The following STOX2 variants were observed in gnomAD, a reference collection of about 807,000 sequenced individuals.
The protein encoded by STOX2 is storkhead box 2.
Under a neutral mutation model 60.9 loss-of-function variants are expected in STOX2, and 28 were observed. The ratio of observed to expected loss-of-function variants is 0.46; its 90% CI spans 0.34 to 0.63. The LOEUF (loss-of-function observed/expected upper bound fraction) is 0.63. Ranked by LOEUF, STOX2 falls within the 30% of genes least tolerant of loss-of-function variation. The pLI, the probability that STOX2 is intolerant of heterozygous loss-of-function variation, is 0.01. For synonymous variants in STOX2, 472 were observed against 463.9 expected (o/e 1.02, Z -0.22); for missense variants, 1,024 against 1,187.7 (o/e 0.86, Z 2.03).
At chr4:183,894,926 A>G (rs1341445960) in intron 1 of STOX2, among the ~76,000 whole-genome samples, 2 of 152,230 alleles carry the variant, frequency 1.3e-5, no homozygotes, top group Non-Finnish European at 2.9e-5. Flanking sequence ...GTGTATATTC[A>G]TAAAAACTAA....
chr4:183,956,041 A>G (rs1158550645), intron 1 of STOX2, among the ~76,000 whole-genome samples: 1 of 152,192 alleles, frequency 6.6e-6, no homozygotes, highest in East Asian at 1.9e-4. Context: ...GGTATCCCTA[A>G]GTTAACAACC....
intron 1 of STOX2, among the ~76,000 whole-genome samples, chr4:183,842,963 G>C (rs762369841): frequency 6.6e-6 from 1 of 151,872 alleles, no homozygotes; most frequent in African/African-American, 2.4e-5. Context: ...GCCTAGCCAA[G>C]ATGGCGAAAC....
chr4:183,863,566 A>ATTAC (rs10658634), intron 1 of STOX2, among the ~76,000 whole-genome samples: 84,083 of 151,538 alleles, frequency 0.55, 23,426 homozygotes, highest in African/African-American at 0.59. Flanking sequence ...ACGAATGTTA[A>ATTAC]TTTGCCCTTT....
At position 184,009,158 on chromosome 4, in the gene STOX2, G is replaced by A; in HGVS notation, c.320G>A (p.Gly107Asp). 1.2e-6 allele frequency: 1 copy of A among 833,372 alleles called. No homozygotes were observed. Among genetic ancestry groups the A allele is most frequent in the South Asian group, 2.2e-5 (1 of 44,954 alleles). 51.6% of individuals were successfully genotyped at this position (833,372 alleles called of 1,614,324 possible). A position where few individuals can be genotyped will look rare whatever the true frequency, so the allele number is the denominator to read the frequency against. ...LMEHLTTCFPGVPTPSQEILR... is the reference protein window; with the variant it reads ...LMEHLTTCFPDVPTPSQEILR... ...GTGGTTTTTTTTTTTTTTTTTTCAGGTGTTCCAACGCCAAGCCAAGAAATT... is the reference window on the plus strand; with the variant it reads ...GTGGTTTTTTTTTTTTTTTTTTCAGATGTTCCAACGCCAAGCCAAGAAATT... Residue 107 changes from glycine to aspartate, a missense_variant and splice_region_variant, in exon 3 of 4, where the codon GGT becomes GAT. Coordinates refer to ENST00000308497, the MANE Select transcript of STOX2 (RefSeq NM_020225.3). The surrounding 1 kb of genome is among the most constrained non-coding windows in gnomAD (Gnocchi z 4.0).
chr4:184,007,225 T>C (rs1459766720), intron 2 of STOX2, among the ~76,000 whole-genome samples: 1 of 152,090 alleles, frequency 6.6e-6, no homozygotes, highest in East Asian at 1.9e-4. Flanking sequence ...CTTCTGAAGA[T>C]GGTAACACAA....
In STOX2 at chr4:183,930,068, T is replaced by G. The variant is rs1742374006; in HGVS notation, c.166+23112T>G. 2.6e-5 allele frequency among the ~76,000 whole-genome samples: 4 copies of G among 152,200 alleles called. No homozygotes were observed. The South Asian group carries it at 8.3e-4, about 32-fold the overall frequency. On this transcript the variant is annotated intron_variant, in intron 1 of 3. Coordinates refer to ENST00000308497, the MANE Select transcript of STOX2 (RefSeq NM_020225.3). ...TTAGTAGAGATGGAGTTTCACCGTA[T>G]TAGCCAGGATGGGTCTCGATCTCCT... is the stretch of plus-strand genomic sequence containing the variant.
At chr4:183,891,264 T>C (rs1741201038) in intron 1 of STOX2, among the ~76,000 whole-genome samples, 1 of 149,918 alleles carries the variant, frequency 6.7e-6, no homozygotes, top group Admixed American at 6.7e-5. Flanking sequence ...ATAAAGAAAC[T>C]GGTGTGTGTG....
chr4:183,992,982 A>G (rs577002641), intron 1 of STOX2, among the ~76,000 whole-genome samples: 1 of 152,308 alleles, frequency 6.6e-6, no homozygotes, highest in South Asian at 2.1e-4. Context: ...CTCATATTCC[A>G]TCCTACCTTT....
chr4:183,970,179 T>TGGGG (rs1246316917), intron 1 of STOX2, among the ~76,000 whole-genome samples: 22 of 139,532 alleles, frequency 1.6e-4, no homozygotes, highest in African/African-American at 5.4e-4. Flanking sequence ...TGTGTGTGTG[T>TGGGG]GTGGGGTTCC....
At chr4:183,975,772 A>C (rs766264862) in intron 1 of STOX2, among the ~76,000 whole-genome samples, 1 of 152,238 alleles carries the variant, frequency 6.6e-6, no homozygotes, top group Admixed American at 6.5e-5. Context: ...ATTCTGTAAG[A>C]TCTTTTTCAA....
rs531194750 is a variant in STOX2, at chr4:183,857,245, T to G, written c.364+59190T>G. ...ACTGGTTATCCCACAGGACTGGTCA[T>G]CTCGCAGGACTGGTTATCCTGCAGG... is the stretch of plus-strand genomic sequence containing the variant. On this transcript the variant is annotated intron_variant, in intron 1 of 2. Coordinates refer to the STOX2 transcript ENST00000513034. Among the ~76,000 whole-genome samples the G allele has an allele frequency of 2.0e-5, 3 of 149,642 alleles. No individual in the cohort carries two copies. In the South Asian group the frequency reaches 6.3e-4, roughly 32 times the overall value.
chr4:183,949,507 G>A (rs1367197677), intron 1 of STOX2, among the ~76,000 whole-genome samples: 9 of 152,058 alleles, frequency 5.9e-5, no homozygotes, highest in Non-Finnish European at 1.3e-4. Context: ...AGACCAGCCT[G>A]GCCAACATGA....
chr4:183,851,074 G>C (rs1419483113), intron 1 of STOX2, among the ~76,000 whole-genome samples: 9 of 127,450 alleles, frequency 7.1e-5, no homozygotes, highest in Admixed American at 2.4e-4. Flanking sequence ...ATGAGGGAAA[G>C]GATGAGAGAA....
chr4:184,023,292 A>G lies in STOX2; in HGVS notation c.*6008A>G, dbSNP rs1163537018. 1 of 152,222 alleles carries G rather than the reference A, an allele frequency of 6.6e-6. No homozygotes were observed. The highest frequency in any genetic ancestry group is 1.5e-5 in the Non-Finnish European group (1 of 68,028). The allele number at this position is 152,222 out of a possible 1,614,324, so 9.4% of individuals were successfully genotyped here. ...TTCCCTAATGTTACTGATTTATAACAGCACATTTGTAACATGGTTTTTATC... is the reference window on the plus strand; with the variant it reads ...TTCCCTAATGTTACTGATTTATAACGGCACATTTGTAACATGGTTTTTATC... On this transcript the variant is annotated 3_prime_UTR_variant, in exon 4 of 4. Coordinates refer to ENST00000308497, the MANE Select transcript of STOX2 (RefSeq NM_020225.3).
intron 1 of STOX2, among the ~76,000 whole-genome samples, chr4:183,805,526 G>C (rs1738869694): frequency 6.6e-6 from 1 of 152,192 alleles, no homozygotes; most frequent in Non-Finnish European, 1.5e-5. Context: ...AATCACAGTA[G>C]GCCAAGCATG....
At position 183,905,575 on chromosome 4, in the gene STOX2, A is replaced by C. The variant is rs1030749987; in HGVS notation, c.-1216A>C. On this transcript the variant is annotated 5_prime_UTR_variant, in exon 1 of 4. Coordinates refer to ENST00000308497, the MANE Select transcript of STOX2 (RefSeq NM_020225.3). ...GCGCACCGCAGATCTCCCCGTTCCC[A>C]CGAAGGCTGGCTCGCTGTCTCTCTC... 1.3e-5 allele frequency: 2 copies of C among 152,148 alleles called. No homozygotes were observed. Among genetic ancestry groups the C allele is most frequent in the African/African-American group, 4.8e-5 (2 of 41,426 alleles). The allele number at this position is 152,148 out of a possible 1,614,324, so 9.4% of individuals were successfully genotyped here.
At chr4:183,874,983 ATATATAT>A (rs1560857901) in intron 1 of STOX2, among the ~76,000 whole-genome samples, 1,469 of 103,884 alleles carry the variant, frequency 0.014, 22 homozygotes, top group African/African-American at 0.02. Context: ...ATATATATAT[ATATATAT>A]ATAAAACTTA....
rs1734589834 is a variant in STOX2 at position 184,021,456 on chromosome 4, AG to A, written c.*4173del. ...TGTCCATTTTCATTAAAAAAAAAAA[AG>A]TTCAGGGTGTTTGGAATTTTACATC... On this transcript the variant is annotated 3_prime_UTR_variant, in exon 4 of 4. Coordinates refer to ENST00000308497, the MANE Select transcript of STOX2 (RefSeq NM_020225.3). 6.6e-6 allele frequency: 1 copy of A among 151,096 alleles called. No homozygotes were observed. The highest frequency in any genetic ancestry group is 2.4e-5 in the African/African-American group (1 of 41,084). 9.4% of individuals were successfully genotyped at this position (151,096 alleles called of 1,614,324 possible).
chr4:183,967,512 G>C (rs1393423940), intron 1 of STOX2, among the ~76,000 whole-genome samples: 1 of 152,118 alleles, frequency 6.6e-6, no homozygotes, highest in African/African-American at 2.4e-5. Flanking sequence ...CTTTAAGGAA[G>C]AGTGAAGGAA....
Sources: allele counts gnomAD v4.1 joint callset (sites outside exome capture counted in the v4.1 genomes callset), GRCh38; gene constraint gnomAD v4.1.1; non-coding constraint Gnocchi (gnomAD v3.1); transcripts MANE v1.5; gene names NCBI Gene and HGNC (gene_info 2026-07-23, HGNC 2026-07-21).